SLC26A4: variants seen among roughly 807,000 people sequenced by gnomAD.
SLC26A4 encodes the protein pendrin.
In SLC26A4, 93 loss-of-function variants were observed where a neutral mutation model predicts 90.4. That is an observed-to-expected ratio of 1.03 (90% CI 0.87 to 1.22). SLC26A4 has a LOEUF of 1.22. Ranked by LOEUF, SLC26A4 falls within the 50% of genes most tolerant of loss-of-function variation. SLC26A4 has a pLI of 0.00. For missense variants in SLC26A4, 1,127 were observed against 946.2 expected (o/e 1.19, Z -2.51); for synonymous variants, 393 against 354.6 (o/e 1.11, Z -1.22).
Position 107,661,390 on chromosome 7 carries a change from G to A in SLC26A4, c.-3-249G>A. 1 of 587,188 alleles carries A rather than the reference G, an allele frequency of 1.7e-6. No homozygotes were observed. 36.4% of individuals were successfully genotyped at this position (587,188 alleles called of 1,614,324 possible). The stretch of plus-strand genomic sequence containing the variant: ...AGGGGCTTACTCGCTTCAAGTTTGG[G>A]GAACCCCGGGCAGCGGGTGCAGGCC... On this transcript the variant is annotated intron_variant, in intron 1 of 20. Coordinates refer to ENST00000644269, the MANE Select transcript of SLC26A4 (RefSeq NM_000441.2). The surrounding 1 kb of genome is among the most constrained non-coding windows in gnomAD (Gnocchi z 5.1).
chr7:107,672,040 A>T (rs1277917438), intron 3 of SLC26A4, 98 bp from the exon 4 acceptor site: 3 of 782,794 alleles, frequency 3.8e-6, no homozygotes, highest in African/African-American at 3.4e-5. Context: ...TTGCATCATC[A>T]TAAAGGCAAA....
rs112224987 is a variant in SLC26A4, at chr7:107,682,661, A to AAC, written c.766-525_766-524dup. Among the ~76,000 whole-genome samples the AAC allele has an allele frequency of 8.0e-3, 1,203 of 150,814 alleles. 21 individuals carry two copies. The highest frequency in any genetic ancestry group is 0.027 in the African/African-American group (1,094 of 41,234). On this transcript the variant is annotated intron_variant, in intron 6 of 20. Transcript: ENST00000644269. ...AAAAAAAAGAAAGCTAGAAAGAAAG[A>AAC]ACACACACACACACACATACACACA...
At position 107,704,361 on chromosome 7, in the gene SLC26A4, A is replaced by G. The variant is rs771151132; in HGVS notation, c.2065A>G (p.Asn689Asp). The G allele has an allele frequency of 7.1e-7, 1 of 1,405,282 alleles. No individual in the cohort carries two copies. The highest frequency in any genetic ancestry group is 2.3e-5 in the East Asian group (1 of 43,864). The allele number at this position is 1,405,282 out of a possible 1,614,324, so 87.1% of individuals were successfully genotyped here. ...CAAAGAATTCCAAAGAATTGATGTGAATGTGTATTTTGCATCACTTCAAGG... is the reference window on the plus strand; with the variant it reads ...CAAAGAATTCCAAAGAATTGATGTGGATGTGTATTTTGCATCACTTCAAGG... Reference protein sequence around the residue: ...IVKEFQRIDVNVYFASLQDYV... With the variant: ...IVKEFQRIDVDVYFASLQDYV... The change falls in exon 18 of 21, where the codon AAT becomes GAT. Residue 689 changes from asparagine (N) to aspartate (D), a missense_variant. By Grantham distance (23) the Asn-to-Asp change is conservative. Coordinates refer to ENST00000644269, the MANE Select transcript of SLC26A4 (RefSeq NM_000441.2).
intron 20 of SLC26A4, among the ~76,000 whole-genome samples, chr7:107,714,476 C>T (rs1013624885): frequency 2.6e-5 from 4 of 152,108 alleles, no homozygotes; most frequent in Non-Finnish European, 5.9e-5. Flanking sequence ...GCTTAGTGAG[C>T]CCAGGAAAGT....
rs111033309 is a variant in SLC26A4 at position 107,702,038 on chromosome 7, G to C, written c.2015G>C (p.Gly672Ala). Residue 672 changes from glycine (G) to alanine (A), a missense_variant, in exon 17 of 21, where the codon GGA becomes GCA. Transcript: ENST00000644269. ...GCTATATCTTTCCTGGACGTTGTTG[G>C]AGTGAGATCACTGCGGGTGGTAAGG... The part of the protein sequence containing the change: ...CGAISFLDVV[G>A]VRSLRVIVKE... 1 of 1,609,898 alleles carries C rather than the reference G, an allele frequency of 6.2e-7. No individual in the cohort carries two copies. The highest frequency in any genetic ancestry group is 1.1e-5 in the South Asian group (1 of 90,998).
At chr7:107,698,680 A>G (rs1791809744) in intron 14 of SLC26A4, among the ~76,000 whole-genome samples, 1 of 152,212 alleles carries the variant, frequency 6.6e-6, no homozygotes, top group South Asian at 2.1e-4. Context: ...GGCAATTTCT[A>G]GATGTTCATC....
At position 107,663,426 on chromosome 7, in the gene SLC26A4, A is replaced by T; in HGVS notation, c.295A>T (p.Thr99Ser). 6.2e-7 allele frequency: 1 copy of T among 1,614,098 alleles called. No individual in the cohort carries two copies. The highest frequency in any genetic ancestry group is 1.7e-5 in the Admixed American group (1 of 60,024). Residue 99 changes from threonine (T) to serine (S), a missense_variant, in exon 3 of 21, where the codon ACG becomes TCG. Physicochemically the swap from Thr to Ser is moderately conservative, Grantham distance 58 (BLOSUM62 1). Coordinates refer to ENST00000644269, the MANE Select transcript of SLC26A4 (RefSeq NM_000441.2). ...GGGAGTTAGTACTGGGCTAGTGGCC[A>T]CGCTGCAAGGTAAGATGTTGGCAGA... ...ISGVSTGLVA[T>S]LQGMAYALLA...
rs773835233 is a variant in SLC26A4, at chr7:107,663,332, T to C, written c.201T>C (p.Thr67=). The C allele has an allele frequency of 1.9e-6, 3 of 1,614,184 alleles. No homozygotes were observed. In the Admixed American group the frequency reaches 5.0e-5, roughly 27 times the overall value. The change falls in exon 3 of 21, where the codon ACT becomes ACC. Residue 67 remains threonine, a synonymous_variant. Coordinates refer to ENST00000644269, the MANE Select transcript of SLC26A4 (RefSeq NM_000441.2). ...AGAGAGCCTTTGGTGTGCTAAAGAC[T>C]CTTGTGCCCATCTTGGAGTGGCTCC... ...SRKRAFGVLK[T]LVPILEWLPK...
intron 3 of SLC26A4, 56 bp downstream of exon 3, chr7:107,663,491 C>G: frequency 6.3e-7 from 1 of 1,592,890 alleles, no homozygotes; most frequent in East Asian, 2.2e-5. Context: ...AACACTTCTC[C>G]CCAGCTACCA....
At chr7:107,691,513 A>C (rs572047169) in intron 10 of SLC26A4, among the ~76,000 whole-genome samples, 7 of 63,544 alleles carry the variant, frequency 1.1e-4, no homozygotes, top group African/African-American at 3.3e-4. Flanking sequence ...AAATATATAT[A>C]TACACACACA....
At position 107,672,323 on chromosome 7, in the gene SLC26A4, T is replaced by C. The variant is rs112741843; in HGVS notation, c.415+75T>C. 2,044 of 833,734 alleles carry C rather than the reference T, an allele frequency of 2.5e-3. 29 individuals carry two copies. The African/African-American group carries it at 0.03, about 12-fold the overall frequency. The allele number at this position is 833,734 out of a possible 1,614,324, so 51.6% of individuals were successfully genotyped here. A position where few individuals can be genotyped will look rare whatever the true frequency, so the allele number is the denominator to read the frequency against. On this transcript the variant is annotated intron_variant, in intron 4 of 20. Transcript: ENST00000644269. ...TTGGCTATATTAAGTGCATTATACC[T>C]CTATTAGGTTGGTGCAAAAGTAATT...
intron 17 of SLC26A4, 81 bp downstream of exon 17, chr7:107,702,138 G>T (rs1791911792): frequency 1.1e-6 from 1 of 876,710 alleles, no homozygotes. Flanking sequence ...ATTGCAACAG[G>T]GCAAATACAT....
Position 107,661,469 on chromosome 7 carries a change from GGGGCGCTTGTCGC to G in SLC26A4, c.-3-168_-3-156del. On this transcript the variant is annotated intron_variant, in intron 1 of 20. Coordinates refer to ENST00000644269, the MANE Select transcript of SLC26A4 (RefSeq NM_000441.2). This position sits in a 1 kb window ranked among gnomAD's most constrained non-coding sequence, Gnocchi z 5.1. ...CCTGCAGGCTGGCCGTGCGCGCCGT[GGGGCGCTTGTCGC>G]GAGCGCCGAGGGCTGCAGGACGCGG... is the stretch of plus-strand genomic sequence containing the variant. 1.4e-6 allele frequency: 1 copy of G among 740,518 alleles called. No individual in the cohort carries two copies. Among genetic ancestry groups the G allele is most frequent in the East Asian group, 2.7e-5 (1 of 36,766 alleles). 45.9% of individuals were successfully genotyped at this position (740,518 alleles called of 1,614,324 possible). A position where few individuals can be genotyped will look rare whatever the true frequency, so the allele number is the denominator to read the frequency against.
At chr7:107,708,743 C>G (rs1584343390) in intron 18 of SLC26A4, among the ~76,000 whole-genome samples, 2 of 145,522 alleles carry the variant, frequency 1.4e-5, no homozygotes, top group East Asian at 2.0e-4. Context: ...CATTTTGAAC[C>G]CAGAAAGATA....
intron 4 of SLC26A4, 101 bp from the exon 5 acceptor site, chr7:107,674,063 A>T: frequency 8.4e-7 from 1 of 1,190,584 alleles, no homozygotes; most frequent in Non-Finnish European, 1.3e-6. Flanking sequence ...ATATTTTCCT[A>T]GTCACAGCTA....
rs1207198251 is a variant in SLC26A4 at position 107,716,962 on chromosome 7, T to C, written c.*1516T>C. On this transcript the variant is annotated 3_prime_UTR_variant, in exon 21 of 21. Coordinates refer to ENST00000644269, the MANE Select transcript of SLC26A4 (RefSeq NM_000441.2). ...AATGATCATACAAATGGGTTAATCC[T>C]GAATTCTGGTTGTAAATCTGGTTAC... is the stretch of plus-strand genomic sequence containing the variant. The C allele has an allele frequency of 6.6e-6, 1 of 152,244 alleles. No individual in the cohort carries two copies. Among genetic ancestry groups the C allele is most frequent in the East Asian group, 1.9e-4 (1 of 5,200 alleles). The allele number at this position is 152,244 out of a possible 1,614,324, so 9.4% of individuals were successfully genotyped here.
At chr7:107,665,572 A>G (rs1790684951) in intron 3 of SLC26A4, among the ~76,000 whole-genome samples, 1 of 152,222 alleles carries the variant, frequency 6.6e-6, no homozygotes, top group Non-Finnish European at 1.5e-5. Context: ...TTAGTGAAAA[A>G]GATTGAATTG....
intron 10 of SLC26A4, chr7:107,693,638 C>A (rs935965938): frequency 2.0e-6 from 2 of 985,926 alleles, no homozygotes; most frequent in Non-Finnish European, 1.2e-6. Flanking sequence ...GTAGTCCCCA[C>A]CCCCTCAGCC....
rs1439431541 is a variant in SLC26A4 at position 107,716,278 on chromosome 7, T to C, written c.*832T>C. On this transcript the variant is annotated 3_prime_UTR_variant, in exon 21 of 21. Transcript: ENST00000644269. Reference sequence around the variant, plus strand: ...TGGAGGCATGTATAGGTATGATCTGTGTAAAATCTGACATAAAAACAGTGC... The same window carrying C: ...TGGAGGCATGTATAGGTATGATCTGCGTAAAATCTGACATAAAAACAGTGC... 6.6e-6 allele frequency: 1 copy of C among 152,202 alleles called. No homozygotes were observed. The highest frequency in any genetic ancestry group is 2.4e-5 in the African/African-American group (1 of 41,450). 9.4% of individuals were successfully genotyped at this position (152,202 alleles called of 1,614,324 possible).
Sources: gnomAD v4.1 joint callset for allele counts (sites outside exome capture counted in the v4.1 genomes callset) on GRCh38, gnomAD v4.1.1 for gene constraint, Gnocchi (gnomAD v3.1) non-coding constraint, MANE v1.5 for transcripts, NCBI Gene and HGNC (gene_info 2026-07-23, HGNC 2026-07-21) for gene names.